ABRAXAS2: variants seen among roughly 807,000 people sequenced by gnomAD.
The protein encoded by ABRAXAS2 is BRISC complex subunit Abraxas 2.
ABRAXAS2 carries 23 observed loss-of-function variants against 49.0 expected under a neutral mutation model. The ratio of observed to expected loss-of-function variants is 0.47; its 90% CI spans 0.34 to 0.66. The LOEUF (loss-of-function observed/expected upper bound fraction) is 0.66, where lower values mean the gene tolerates loss of function less well. ABRAXAS2 is among the 30% of genes least tolerant of loss of function. ABRAXAS2 has a pLI of 0.01. For synonymous variants in ABRAXAS2, 168 were observed against 180.2 expected, an observed-to-expected ratio of 0.93 and a Z score of 0.54; for missense variants, 443 against 511.9, an observed-to-expected ratio of 0.87 and a Z score of 1.30.
intron 4 of ABRAXAS2, 56 bp downstream of exon 4, chr10:124,819,506 G>C (rs367751038): frequency 1.4e-6 from 2 of 1,446,352 alleles, no homozygotes; most frequent in African/African-American, 2.8e-5. Flanking sequence ...TCACCGAAAA[G>C]ATAAAACCAG....
chr10:124,822,888 G>A (rs1191870390), intron 4 of ABRAXAS2, among the ~76,000 whole-genome samples: 1 of 152,012 alleles, frequency 6.6e-6, no homozygotes, highest in African/African-American at 2.4e-5. Flanking sequence ...GAGGTTTGCT[G>A]TTTGAGACAC....
At chr10:124,829,011 G>A in intron 6 of ABRAXAS2, 136 bp downstream of exon 6, 1 of 789,652 alleles carries the variant, frequency 1.3e-6, no homozygotes, top group Non-Finnish European at 2.0e-6. Context: ...TAAGGTAATT[G>A]TCTAGATACC....
Position 124,818,224 on chromosome 10 carries a change from G to A in ABRAXAS2, c.201-1160G>A, listed in dbSNP as rs573854289. Among the ~76,000 whole-genome samples, 403 of 152,008 alleles carry A rather than the reference G, an allele frequency of 2.7e-3. 1 individual carries two copies. The highest frequency in any genetic ancestry group is 9.1e-3 in the African/African-American group (378 of 41,492). ...ATCCTGGTTAACACAGTAAAACCCC[G>A]TCTCTACTAAAAATACAAAAAATTA... On this transcript the variant is annotated intron_variant, in intron 3 of 8. Coordinates refer to ENST00000298492, the MANE Select transcript of ABRAXAS2 (RefSeq NM_032182.4).
intron 4 of ABRAXAS2, among the ~76,000 whole-genome samples, chr10:124,819,703 G>A (rs773348980): frequency 2.0e-5 from 3 of 151,608 alleles, no homozygotes; most frequent in South Asian, 2.1e-4. Flanking sequence ...GAACCCTGGC[G>A]GCAGAGGTTG....
rs1950968609 is a variant in ABRAXAS2 at position 124,836,379 on chromosome 10, G to C, written c.*1408G>C. The C allele has an allele frequency of 6.6e-6, 1 of 152,146 alleles. No homozygotes were observed. 9.4% of individuals were successfully genotyped at this position (152,146 alleles called of 1,614,324 possible). On this transcript the variant is annotated 3_prime_UTR_variant, in exon 9 of 9. Coordinates refer to ENST00000298492, the MANE Select transcript of ABRAXAS2 (RefSeq NM_032182.4). ...CGTTCTTTGGATCGCCACTCTATGG[G>C]GGTCTGTCTTTTAACTACTCTCCTG...
intron 2 of ABRAXAS2, among the ~76,000 whole-genome samples, chr10:124,813,457 CA>C (rs1950803829): frequency 6.6e-6 from 1 of 152,178 alleles, no homozygotes; most frequent in Non-Finnish European, 1.5e-5. Flanking sequence ...GCAAGAACAA[CA>C]GTACCACACA....
intron 4 of ABRAXAS2, among the ~76,000 whole-genome samples, chr10:124,821,355 A>G (rs6597852): frequency 0.058 from 8,753 of 152,142 alleles, 819 homozygotes; most frequent in African/African-American, 0.2. Context: ...TCACGAGGTC[A>G]GGAGATTGAG....
Position 124,834,578 on chromosome 10 carries a change from C to T in ABRAXAS2, c.855C>T (p.Ser285=). ...LDPAFSPRMP[S]SGFAAEGRST... ...CAGCGTTCAGTCCTCGGATGCCGTCCTCTGGGTTTGCAGCTGAAGGCAGAA... is the reference window on the plus strand; with the variant it reads ...CAGCGTTCAGTCCTCGGATGCCGTCTTCTGGGTTTGCAGCTGAAGGCAGAA... The change falls in exon 9 of 9, where the codon TCC becomes TCT. Residue 285 remains serine (S), a synonymous_variant. Coordinates refer to ENST00000298492, the MANE Select transcript of ABRAXAS2 (RefSeq NM_032182.4). The T allele has an allele frequency of 6.2e-7, 1 of 1,614,184 alleles. No homozygotes were observed. Among genetic ancestry groups the T allele is most frequent in the Non-Finnish European group, 8.5e-7 (1 of 1,180,034 alleles).
intron 3 of ABRAXAS2, 152 bp from the exon 4 acceptor site, chr10:124,819,232 C>G: frequency 1.9e-6 from 1 of 535,138 alleles, no homozygotes; most frequent in Non-Finnish European, 3.3e-6. Flanking sequence ...TTCAGAAAAA[C>G]ATTTGGACTG....
chr10:124,812,799 T>C (rs1207975690), intron 2 of ABRAXAS2, among the ~76,000 whole-genome samples: 1 of 152,216 alleles, frequency 6.6e-6, no homozygotes, highest in Non-Finnish European at 1.5e-5. Context: ...AGAATAACAA[T>C]GTTTTAAATA....
intron 6 of ABRAXAS2, 49 bp from the exon 7 acceptor site, chr10:124,829,344 A>C: frequency 7.9e-7 from 1 of 1,267,634 alleles, no homozygotes; most frequent in Non-Finnish European, 1.1e-6. Flanking sequence ...TTTCCATTTC[A>C]CCGCAGTTAT....
chr10:124,832,599 C>T (rs1950940183), intron 8 of ABRAXAS2, among the ~76,000 whole-genome samples: 1 of 152,104 alleles, frequency 6.6e-6, no homozygotes, highest in Admixed American at 6.5e-5. Flanking sequence ...AATCCTAGCA[C>T]TTTGGGAGGC....
Position 124,801,857 on chromosome 10 carries a change from T to A in ABRAXAS2, c.28T>A (p.Phe10Ile), listed in dbSNP as rs775121709. 2 of 1,613,484 alleles carry A rather than the reference T, an allele frequency of 1.2e-6. No homozygotes were observed. The highest frequency in any genetic ancestry group is 1.1e-5 in the South Asian group (1 of 91,064). Residue 10 changes from phenylalanine to isoleucine, a missense_variant, in exon 1 of 9, where the codon TTC (phenylalanine) becomes ATC (isoleucine). Phe to Ile is a conservative substitution (Grantham distance 21). This residue lies in a region of ABRAXAS2 where 47 missense variants were observed against 27.6 expected (regional missense o/e 1.70). Coordinates refer to ENST00000298492, the MANE Select transcript of ABRAXAS2 (RefSeq NM_032182.4). ...GGCGGCGTCCATTTCGGGCTACACC[T>A]TCAGTGCTGTGTGTTTCCACAGCGC... is the stretch of plus-strand genomic sequence containing the variant. MAASISGYT[F>I]SAVCFHSANS...
In ABRAXAS2 at chr10:124,806,911, G is replaced by A. The variant is rs777440330; in HGVS notation, c.153G>A (p.Leu51=). Residue 51 remains leucine (L), a synonymous_variant, in exon 2 of 9, where the codon CTG becomes CTA. Coordinates refer to ENST00000298492, the MANE Select transcript of ABRAXAS2 (RefSeq NM_032182.4). ...SDSQISNTEF[L]QVIEIHNHQP... is the part of the protein sequence containing the mutation. Reference sequence around the variant, plus strand: ...CACAAATCAGCAACACAGAATTTCTGCAAGTAATTGGTAAGTAAATTTCTC... The same window carrying A: ...CACAAATCAGCAACACAGAATTTCTACAAGTAATTGGTAAGTAAATTTCTC... 3 of 1,604,186 alleles carry A rather than the reference G, an allele frequency of 1.9e-6. No individual in the cohort carries two copies. Among genetic ancestry groups the A allele is most frequent in the Non-Finnish European group, 2.6e-6 (3 of 1,172,194 alleles).
At chr10:124,831,807 C>G (rs1197337268) in intron 8 of ABRAXAS2, among the ~76,000 whole-genome samples, 1 of 149,536 alleles carries the variant, frequency 6.7e-6, no homozygotes, top group Non-Finnish European at 1.5e-5. Context: ...AGTTAACCAC[C>G]CTGGCATGTC....
chr10:124,817,062 A>G (rs921868955), intron 3 of ABRAXAS2, among the ~76,000 whole-genome samples: 4 of 152,168 alleles, frequency 2.6e-5, no homozygotes, highest in Non-Finnish European at 4.4e-5. Flanking sequence ...ACTGAACCCT[A>G]TCTATATGTA....
In ABRAXAS2 at chr10:124,835,046, T is replaced by G; in HGVS notation, c.*75T>G. ...TGAGAGGGTTTTTGAGAACTTAATC[T>G]GGGGGGAGAACTGCTTTCTCAGATA... On this transcript the variant is annotated 3_prime_UTR_variant, in exon 9 of 9. Coordinates refer to ENST00000298492, the MANE Select transcript of ABRAXAS2 (RefSeq NM_032182.4). The G allele has an allele frequency of 8.5e-7, 1 of 1,176,722 alleles. No individual in the cohort carries two copies. Among genetic ancestry groups the G allele is most frequent in the Non-Finnish European group, 1.2e-6 (1 of 837,788 alleles). 72.9% of individuals were successfully genotyped at this position (1,176,722 alleles called of 1,614,324 possible). A position where few individuals can be genotyped will look rare whatever the true frequency, so the allele number is the denominator to read the frequency against.
Position 124,828,842 on chromosome 10 carries a change from C to G in ABRAXAS2, c.545C>G (p.Ser182Cys), listed in dbSNP as rs1950913299. Residue 182 changes from serine to cysteine, a missense_variant, in exon 6 of 9, where the codon TCT becomes TGT. By Grantham distance (112) the Ser-to-Cys change is moderately radical. Around this residue, in one of 3 missense-constraint regions of ABRAXAS2, gnomAD observed 166 missense variants for 247.3 expected, o/e 0.67. Coordinates refer to ENST00000298492, the MANE Select transcript of ABRAXAS2 (RefSeq NM_032182.4). Reference sequence around the variant, plus strand: ...AAAGTGTCTTCAGTGCCAAATACTTCTCAGAGTTATGCCAAAGTGATTAAA... The same window carrying G: ...AAAGTGTCTTCAGTGCCAAATACTTGTCAGAGTTATGCCAAAGTGATTAAA... ...EYKVSSVPNT[S>C]QSYAKVIKEH... is the part of the protein sequence containing the mutation. 1.2e-6 allele frequency: 2 copies of G among 1,613,790 alleles called. No individual in the cohort carries two copies. The highest frequency in any genetic ancestry group is 1.7e-6 in the Non-Finnish European group (2 of 1,179,866).
intron 2 of ABRAXAS2, 43 bp downstream of exon 2, chr10:124,806,964 T>C (rs976100639): frequency 3.0e-6 from 4 of 1,342,614 alleles, no homozygotes; most frequent in Non-Finnish European, 4.2e-6. Flanking sequence ...CTTTTTTGTA[T>C]ATTTACTTAA....
Sources: gnomAD v4.1 joint callset for allele counts (sites outside exome capture counted in the v4.1 genomes callset) on GRCh38, gnomAD v4.1.1 for gene constraint, gnomAD v4.1.1 regional missense constraint, MANE v1.5 for transcripts, NCBI Gene and HGNC (gene_info 2026-07-23, HGNC 2026-07-21) for gene names.